PRRC2A: variants seen among roughly 807,000 people sequenced by gnomAD.
The protein encoded by PRRC2A is proline rich coiled-coil 2A, also known as protein PRRC2A.
A neutral mutation model predicts 224.6 loss-of-function variants in PRRC2A; 59 were observed. The observed-to-expected ratio is 0.26, with a 90% CI of 0.21 to 0.33. The LOEUF (loss-of-function observed/expected upper bound fraction) is 0.33. PRRC2A is among the 10% of genes least tolerant of loss of function. The pLI, the probability that PRRC2A is intolerant of heterozygous loss-of-function variation, is 1.00. For synonymous variants in PRRC2A, 1,194 were observed against 1,109.5 expected (o/e 1.08, Z -1.51); for missense variants, 3,095 against 2,880.7 (o/e 1.07, Z -1.70).
At position 31,631,607 on chromosome 6, in the gene PRRC2A, C is replaced by T; in HGVS notation, c.2934C>T (p.Pro978=). 6.5e-7 allele frequency: 1 copy of T among 1,540,868 alleles called. No individual in the cohort carries two copies. The highest frequency in any genetic ancestry group is 8.7e-7 in the Non-Finnish European group (1 of 1,148,848). Residue 978 remains proline (P), a synonymous_variant, in exon 16 of 31, where the codon CCC becomes CCT. Transcript: ENST00000376033. This position sits in a 1 kb window ranked among gnomAD's most constrained non-coding sequence, Gnocchi z 4.5. The part of the protein sequence containing the change: ...PLEQGDETPK[P]PKPDPLKITK... ...AACAGGGGGATGAAACCCCCAAACC[C>T]CCAAAGCCAGACCCACTCAAGATAA...
At chr6:31,634,207 GT>G in intron 18 of PRRC2A, 28 bp from the exon 19 acceptor site, 2 of 1,575,400 alleles carry the variant, frequency 1.3e-6, no homozygotes, top group South Asian at 2.3e-5. Flanking sequence ...CCCAATTCAT[GT>G]TTTGCTTCTG....
rs778502307 is a variant in PRRC2A, at chr6:31,632,186, C to T, written c.3513C>T (p.Gly1171=). 1 of 1,600,642 alleles carries T rather than the reference C, an allele frequency of 6.2e-7. No homozygotes were observed. The highest frequency in any genetic ancestry group is 1.7e-5 in the Admixed American group (1 of 57,674). ...FTPRGVPSRR[G]RGGGRPPPQV... ...CCAGAGGGGTGCCATCTCGCCGGGG[C>T]CGAGGAGGAGGGAGGCCCCCTCCTC... Residue 1171 remains glycine (G), a synonymous_variant, in exon 16 of 31, where the codon GGC becomes GGT. Transcript: ENST00000376033.
rs1776598185 is a variant in PRRC2A, at chr6:31,631,651, G to C, written c.2978G>C (p.Gly993Ala). 1.3e-6 allele frequency: 2 copies of C among 1,516,226 alleles called. No homozygotes were observed. The highest frequency in any genetic ancestry group is 1.4e-5 in the African/African-American group (1 of 71,614). The allele number at this position is 1,516,226 out of a possible 1,614,324, so 93.9% of individuals were successfully genotyped here. A position where few individuals can be genotyped will look rare whatever the true frequency, so the allele number is the denominator to read the frequency against. Residue 993 changes from glycine to alanine, a missense_variant, in exon 16 of 31, where the codon GGC (glycine) becomes GCC (alanine). Coordinates refer to ENST00000376033, the MANE Select transcript of PRRC2A (RefSeq NM_004638.4). The surrounding 1 kb of genome is among the most constrained non-coding windows in gnomAD (Gnocchi z 4.5). ...AAGATAACCAAGGGGAAGCTAGGGG[G>C]CCCCAAGGAGACCCCACCCAATGGA... ...PLKITKGKLG[G>A]PKETPPNGNL...
In PRRC2A at chr6:31,628,151, T is replaced by C. The variant is rs2150508000; in HGVS notation, c.1677T>C (p.Pro559=). The change falls in exon 12 of 31, where the codon CCT becomes CCC. Residue 559 remains proline (P), a synonymous_variant. Transcript: ENST00000376033. ...AGGCCCCTCCTGCCCAATCTACTCC[T>C]ACTCCAGGTGTGGCTGCGGCTCCCA... ...PAQAPPAQST[P]TPGVAAAPTL... is the part of the protein sequence containing the mutation. 1.2e-6 allele frequency: 2 copies of C among 1,613,108 alleles called. No individual in the cohort carries two copies. Among genetic ancestry groups the C allele is most frequent in the Non-Finnish European group, 1.7e-6 (2 of 1,180,034 alleles).
At position 31,628,118 on chromosome 6, in the gene PRRC2A, G is replaced by C; in HGVS notation, c.1644G>C (p.Glu548Asp). ...CAACACCAGAGACAGAACCTGAAGAGCCAGCACAGGCCCCTCCTGCCCAAT... is the reference window on the plus strand; with the variant it reads ...CAACACCAGAGACAGAACCTGAAGACCCAGCACAGGCCCCTCCTGCCCAAT... ...SAPTPETEPE[E>D]PAQAPPAQST... Residue 548 changes from glutamate (E) to aspartate (D), a missense_variant, in exon 12 of 31, where the codon GAG becomes GAC. Physicochemically the swap from Glu to Asp is conservative, Grantham distance 45. Coordinates refer to ENST00000376033, the MANE Select transcript of PRRC2A (RefSeq NM_004638.4). 1.2e-6 allele frequency: 2 copies of C among 1,613,128 alleles called. No individual in the cohort carries two copies. Among genetic ancestry groups the C allele is most frequent in the Non-Finnish European group, 1.7e-6 (2 of 1,180,014 alleles).
rs781357638 is a variant in PRRC2A, at chr6:31,626,849, G to C, written c.1060G>C (p.Gly354Arg). 5.6e-6 allele frequency: 9 copies of C among 1,608,628 alleles called. No homozygotes were observed. The highest frequency in any genetic ancestry group is 7.6e-6 in the Non-Finnish European group (9 of 1,177,746). The change falls in exon 10 of 31, where the codon GGT becomes CGT. Residue 354 changes from glycine to arginine, a missense_variant. Physicochemically the swap from Gly to Arg is moderately radical, Grantham distance 125. Transcript: ENST00000376033. ...EEDGRDSDEE[G>R]AEGHRDSQSA... is the part of the protein sequence containing the mutation. ...AGATGGGCGAGACTCTGATGAGGAG[G>C]GTGCTGAGGGCCAGTGAGTTAGGGC...
At chr6:31,634,711 T>C (rs764463915) in intron 20 of PRRC2A, 42 bp from the exon 21 acceptor site, 1 of 1,594,282 alleles carries the variant, frequency 6.3e-7, no homozygotes, top group Non-Finnish European at 8.6e-7. Flanking sequence ...ATTGGGGTGC[T>C]TTCTACCCTG....
intron 3 of PRRC2A, 121 bp from the exon 4 acceptor site, chr6:31,624,140 A>C (rs1003430439): frequency 2.5e-6 from 3 of 1,178,490 alleles, no homozygotes; most frequent in Non-Finnish European, 3.6e-6. Flanking sequence ...TGACAAAATT[A>C]ATTTGTCCTT....
Position 31,627,734 on chromosome 6 carries a change from C to G in PRRC2A, c.1291-31C>G, listed in dbSNP as rs776028808. 1 of 1,605,918 alleles carries G rather than the reference C, an allele frequency of 6.2e-7. No individual in the cohort carries two copies. On this transcript the variant is annotated intron_variant, in intron 11 of 30. Transcript: ENST00000376033. The surrounding 1 kb of genome is among the most constrained non-coding windows in gnomAD (Gnocchi z 5.6). ...GATAGAAAGCATAGTAACTGATTCC[C>G]CTGGCCCTGCTGGGTCTTGCCAATT... is the stretch of plus-strand genomic sequence containing the variant.
chr6:31,622,356 C>T (rs1213065743), intron 1 of PRRC2A, among the ~76,000 whole-genome samples: 1 of 152,170 alleles, frequency 6.6e-6, no homozygotes, highest in Non-Finnish European at 1.5e-5. Flanking sequence ...TTTTCTCTTG[C>T]TTGAATTTGT....
Position 31,629,562 on chromosome 6 carries a change from GCAGCAGCAGCAGCAC to G in PRRC2A, c.1975_1989del (p.Gln659_Gln663del). ...TCCTTTCCTAGGAGCAGCTCCTGAA[GCAGCAGCAGCAGCAC>G]CAGTGGCAGCAGCATCAACAGGGCT... On this transcript the variant is annotated inframe_deletion, in exon 14 of 31. Transcript: ENST00000376033. 6.5e-7 allele frequency: 1 copy of G among 1,547,096 alleles called. No homozygotes were observed. Among genetic ancestry groups the G allele is most frequent in the South Asian group, 1.1e-5 (1 of 89,840 alleles).
chr6:31,624,960 G>A (rs1231678833), intron 5 of PRRC2A: 2 of 599,518 alleles, frequency 3.3e-6, no homozygotes, highest in Non-Finnish European at 5.8e-6. Context: ...AACACACCCA[G>A]CTAATTTTTT....
intron 19 of PRRC2A, 30 bp from the exon 20 acceptor site, chr6:31,634,442 T>G: frequency 1.2e-6 from 2 of 1,612,784 alleles, no homozygotes; most frequent in Non-Finnish European, 1.7e-6. Flanking sequence ...ATCTCCTCAC[T>G]TCTCTTCTGG....
rs761791945 is a variant in PRRC2A, at chr6:31,636,951, G to GCT, written c.6147+6_6147+7insCT. ...CTAGCTTGGGGCGAGCAGAGGTAAGGTACAGGAACTGAGGGGCTAGGGAGC... is the reference window on the plus strand; with the variant it reads ...CTAGCTTGGGGCGAGCAGAGGTAAGGCTTACAGGAACTGAGGGGCTAGGGAGC... On this transcript the variant is annotated splice_region_variant and intron_variant, in intron 28 of 30. Coordinates refer to ENST00000376033, the MANE Select transcript of PRRC2A (RefSeq NM_004638.4). The surrounding 1 kb of genome is among the most constrained non-coding windows in gnomAD (Gnocchi z 4.3). 31 of 1,611,496 alleles carry GCT rather than the reference G, an allele frequency of 1.9e-5. No homozygotes were observed. The South Asian group carries it at 3.2e-4, about 17-fold the overall frequency.
At position 31,635,269 on chromosome 6, in the gene PRRC2A, C is replaced by T. The variant is rs139053368; in HGVS notation, c.5298C>T (p.Asp1766=). The change falls in exon 22 of 31, where the codon GAC becomes GAT. Residue 1766 remains aspartate, a synonymous_variant. Transcript: ENST00000376033. ...CCCCAGTCCAGTTTGGCACTAGTGACAAGGTCTGTGTGGGCTGGATCTGGG... is the reference window on the plus strand; with the variant it reads ...CCCCAGTCCAGTTTGGCACTAGTGATAAGGTCTGTGTGGGCTGGATCTGGG... ...PGPPVQFGTS[D]KDSDLRLVVG... is the part of the protein sequence containing the mutation. 494 of 1,614,046 alleles carry T rather than the reference C, an allele frequency of 3.1e-4. 2 individuals carry two copies. The Middle Eastern group carries it at 4.6e-3, about 15-fold the overall frequency.
intron 1 of PRRC2A, among the ~76,000 whole-genome samples, chr6:31,622,336 T>C (rs867407985): frequency 6.6e-6 from 1 of 152,222 alleles, no homozygotes; most frequent in African/African-American, 2.4e-5. Context: ...ATTGTATGCT[T>C]CTTTTTTAGT....
intron 5 of PRRC2A, 197 bp from the exon 6 acceptor site, chr6:31,624,974 T>G: frequency 1.6e-6 from 1 of 621,016 alleles, no homozygotes; most frequent in Non-Finnish European, 2.8e-6. Context: ...ATTTTTTGTG[T>G]GTTTTTAGTA....
At chr6:31,628,997 C>T (rs114335898) in intron 12 of PRRC2A, 147 bp from the exon 13 acceptor site, 513 of 829,624 alleles carry the variant, frequency 6.2e-4, no homozygotes, top group Non-Finnish European at 8.9e-4. Flanking sequence ...TTTAATGGGT[C>T]TTAAATGGGA....
chr6:31,624,229 G>A (rs1156580579), intron 3 of PRRC2A, 32 bp from the exon 4 acceptor site: 3 of 1,594,180 alleles, frequency 1.9e-6, no homozygotes, highest in Non-Finnish European at 1.7e-6. Context: ...GGCATCTCAG[G>A]TGTGAATAAC....
Sources: gnomAD v4.1 joint callset for allele counts (sites outside exome capture counted in the v4.1 genomes callset) on GRCh38, gnomAD v4.1.1 for gene constraint, Gnocchi (gnomAD v3.1) non-coding constraint, MANE v1.5 for transcripts, NCBI Gene and HGNC (gene_info 2026-07-23, HGNC 2026-07-21) for gene names.